Variants in RNF111 observed in about 807,000 individuals in gnomAD.
RNF111 encodes E3 ubiquitin-protein ligase Arkadia.
Under a neutral mutation model 95.1 loss-of-function variants are expected in RNF111, and 17 were observed. The observed-to-expected ratio is 0.18, with a 90% CI of 0.12 to 0.27. RNF111 has a LOEUF of 0.27. Among genes scored for constraint, RNF111 ranks in the 10% least tolerant of loss-of-function variants. RNF111 has a pLI of 1.00. For missense variants in RNF111, 1,189 were observed against 1,210.4 expected, an observed-to-expected ratio of 0.98 and a Z score of 0.26; for synonymous variants, 440 against 414.8, an observed-to-expected ratio of 1.06 and a Z score of -0.74.
At chr15:59,015,191 G>C (rs1367435807) in intron 1 of RNF111, among the ~76,000 whole-genome samples, 1 of 151,974 alleles carries the variant, frequency 6.6e-6, no homozygotes, top group African/African-American at 2.4e-5. Context: ...CAAAATAAAA[G>C]GGAAATAAAG....
At chr15:59,014,089 C>G (rs1034229305) in intron 1 of RNF111, among the ~76,000 whole-genome samples, 1 of 152,124 alleles carries the variant, frequency 6.6e-6, no homozygotes, top group Non-Finnish European at 1.5e-5. Context: ...CTGCCGCCAG[C>G]CTCATTTTTA....
At chr15:59,094,331 C>T (rs2079136638) in intron 13 of RNF111, among the ~76,000 whole-genome samples, 1 of 151,900 alleles carries the variant, frequency 6.6e-6, no homozygotes, top group Non-Finnish European at 1.5e-5. Context: ...ATATATTTGC[C>T]ACATGAATTG....
At chr15:59,032,904 C>G (rs2040986856) in intron 2 of RNF111, among the ~76,000 whole-genome samples, 1 of 152,198 alleles carries the variant, frequency 6.6e-6, no homozygotes, top group Admixed American at 6.5e-5. Flanking sequence ...CTCTCTCTCT[C>G]TCACACACAC....
chr15:58,991,448 A>G (rs1433114088), intron 1 of RNF111, among the ~76,000 whole-genome samples: 1 of 152,214 alleles, frequency 6.6e-6, no homozygotes, highest in Non-Finnish European at 1.5e-5. Flanking sequence ...CATGGAGCTG[A>G]CATTCTGTTC....
intron 3 of RNF111, among the ~76,000 whole-genome samples, chr15:59,054,035 A>G (rs1292895114): frequency 6.6e-6 from 1 of 152,154 alleles, no homozygotes; most frequent in African/African-American, 2.4e-5. Flanking sequence ...TCCTGGGTTC[A>G]AGCAATCCTC....
chr15:59,046,747 G>A (rs1031155139), intron 2 of RNF111, among the ~76,000 whole-genome samples: 2 of 152,116 alleles, frequency 1.3e-5, no homozygotes, highest in East Asian at 1.9e-4. Context: ...AGAGACTTTC[G>A]TGCTTCAAAA....
intron 2 of RNF111, among the ~76,000 whole-genome samples, chr15:59,041,726 G>C (rs1165953720): frequency 6.6e-6 from 1 of 152,146 alleles, no homozygotes; most frequent in South Asian, 2.1e-4. Flanking sequence ...CATGGTGATT[G>C]TAACCATTCT....
chr15:59,095,896 G>C lies in RNF111; in HGVS notation c.*996G>C, dbSNP rs1253590606. 2.5e-6 allele frequency: 1 copy of C among 396,884 alleles called. No individual in the cohort carries two copies. The highest frequency in any genetic ancestry group is 2.1e-5 in the African/African-American group (1 of 48,564). The allele number at this position is 396,884 out of a possible 1,614,324, so 24.6% of individuals were successfully genotyped here. On this transcript the variant is annotated 3_prime_UTR_variant, in exon 14 of 14. Coordinates refer to ENST00000348370, the MANE Select transcript of RNF111 (RefSeq NM_017610.8). ...TCTGTGCATTCATAGAACTTATAAAGGTCCCAGGATCACTTTTAAGGGATT... is the reference window on the plus strand; with the variant it reads ...TCTGTGCATTCATAGAACTTATAAACGTCCCAGGATCACTTTTAAGGGATT...
At chr15:59,027,688 C>G (rs1244201732) in intron 1 of RNF111, among the ~76,000 whole-genome samples, 1 of 151,730 alleles carries the variant, frequency 6.6e-6, no homozygotes, top group Non-Finnish European at 1.5e-5. Flanking sequence ...GCCACCATGC[C>G]TGGCTAATTT....
intron 1 of RNF111, among the ~76,000 whole-genome samples, chr15:59,020,153 A>G (rs2040265953): frequency 6.7e-6 from 1 of 148,756 alleles, no homozygotes; most frequent in Admixed American, 6.7e-5. Flanking sequence ...TTAGATATAT[A>G]AAATTTGTTA....
intron 2 of RNF111, among the ~76,000 whole-genome samples, chr15:59,049,961 C>T (rs1188200361): frequency 6.6e-6 from 1 of 151,470 alleles, no homozygotes; most frequent in Non-Finnish European, 1.5e-5. Context: ...AGGCTGGTCC[C>T]AAACTCCTGA....
chr15:58,999,127 C>T (rs2039216387), intron 1 of RNF111, among the ~76,000 whole-genome samples: 2 of 152,086 alleles, frequency 1.3e-5, no homozygotes, highest in Admixed American at 1.3e-4. Context: ...TTTTCAACTA[C>T]ATATTTGTGT....
intron 2 of RNF111, among the ~76,000 whole-genome samples, chr15:59,039,278 C>T (rs188650329): frequency 2.0e-4 from 31 of 152,062 alleles, no homozygotes; most frequent in Admixed American, 7.9e-4. Flanking sequence ...TATTCTAATT[C>T]TATCATTTTG....
At chr15:58,998,803 G>A (rs976325836) in intron 1 of RNF111, among the ~76,000 whole-genome samples, 5 of 152,180 alleles carry the variant, frequency 3.3e-5, no homozygotes, top group African/African-American at 1.2e-4. Context: ...AATGAGATTG[G>A]TTGTGTTATT....
At chr15:59,065,195 G>A (rs527662120) in intron 5 of RNF111, among the ~76,000 whole-genome samples, 1 of 152,124 alleles carries the variant, frequency 6.6e-6, no homozygotes, top group South Asian at 2.1e-4. Context: ...ATGGCAGCAG[G>A]GCGGGGCTTT....
intron 2 of RNF111, among the ~76,000 whole-genome samples, chr15:59,039,772 A>G (rs931519552): frequency 2.0e-5 from 3 of 151,076 alleles, no homozygotes; most frequent in Non-Finnish European, 4.4e-5. Flanking sequence ...GCTGGAGTGC[A>G]GTGGTGCGAT....
At chr15:59,075,355 T>C (rs567171008) in intron 6 of RNF111, among the ~76,000 whole-genome samples, 1 of 152,366 alleles carries the variant, frequency 6.6e-6, no homozygotes, top group East Asian at 1.9e-4. Context: ...TTTTTATTCT[T>C]ATGTTTTTGA....
intron 11 of RNF111, among the ~76,000 whole-genome samples, chr15:59,090,672 T>C (rs1466292689): frequency 1.3e-5 from 2 of 152,236 alleles, no homozygotes; most frequent in Admixed American, 1.3e-4. Flanking sequence ...TACCATGTGA[T>C]AATATTGTTG....
intron 1 of RNF111, among the ~76,000 whole-genome samples, chr15:59,024,931 C>T (rs2040525674): frequency 6.6e-6 from 1 of 152,160 alleles, no homozygotes. Context: ...CAATATTTGT[C>T]TTGTTGTGTC....
Sources: gnomAD v4.1 joint callset for allele counts (sites outside exome capture counted in the v4.1 genomes callset) on GRCh38, gnomAD v4.1.1 for gene constraint, MANE v1.5 for transcripts, NCBI Gene and HGNC (gene_info 2026-07-23, HGNC 2026-07-21) for gene names.